The following COL10A1 variants were observed in gnomAD, a reference collection of about 807,000 sequenced individuals.
COL10A1 encodes the protein collagen type X alpha 1 chain, also known as collagen alpha-1(X) chain.
In COL10A1, 10 loss-of-function variants were observed where a neutral mutation model predicts 18.2. The observed-to-expected ratio is 0.55, with a 90% CI of 0.34 to 0.93. COL10A1 has a LOEUF of 0.93. COL10A1 is among the 40% of genes least tolerant of loss of function. The pLI, the probability that COL10A1 is intolerant of heterozygous loss-of-function variation, is 0.02. For synonymous variants in COL10A1, 330 were observed against 316.6 expected, an observed-to-expected ratio of 1.04 and a Z score of -0.45; for missense variants, 897 against 853.5, an observed-to-expected ratio of 1.05 and a Z score of -0.64.
chr6:116,190,720 A>C, the COL10A1 span, among the ~76,000 whole-genome samples: 1 of 152,066 alleles, frequency 6.6e-6, no homozygotes, highest in Admixed American at 6.6e-5. Flanking sequence ...TGGTCTCTGG[A>C]TTCTTGACAA....
rs1779028024 is a variant in COL10A1, at chr6:116,119,057, A to G, written c.*1016T>C. ...GATGTTATTTTATTGCGTCGTAAATAAGGAGTAGGTAAAACATTTTGTGCT... is the reference window on the plus strand; with the variant it reads ...GATGTTATTTTATTGCGTCGTAAATGAGGAGTAGGTAAAACATTTTGTGCT... On this transcript the variant is annotated 3_prime_UTR_variant, in exon 3 of 3. Transcript: ENST00000651968. The G allele has an allele frequency of 6.5e-6, 1 of 152,690 alleles. No homozygotes were observed. The highest frequency in any genetic ancestry group is 1.5e-5 in the Non-Finnish European group (1 of 68,054). The allele number at this position is 152,690 out of a possible 1,614,324, so 9.5% of individuals were successfully genotyped here.
At chr6:116,156,980 T>C (rs1321765031) in intron 1 of COL10A1, among the ~76,000 whole-genome samples, 2 of 152,134 alleles carry the variant, frequency 1.3e-5, no homozygotes, top group Non-Finnish European at 2.9e-5. Flanking sequence ...ATTTTCCTCA[T>C]CATAGCTTGT....
the COL10A1 span, among the ~76,000 whole-genome samples, chr6:116,183,827 A>G: frequency 6.6e-6 from 1 of 151,966 alleles, no homozygotes; most frequent in East Asian, 1.9e-4. Context: ...TTCTAGGTAT[A>G]TGATCATGTC....
At chr6:116,174,188 A>G in the COL10A1 span, among the ~76,000 whole-genome samples, 1 of 152,164 alleles carries the variant, frequency 6.6e-6, no homozygotes. Flanking sequence ...AGCATTTGCC[A>G]TGTTTCTCTA....
intron 1 of COL10A1, among the ~76,000 whole-genome samples, chr6:116,132,578 C>T (rs960253636): frequency 6.6e-6 from 1 of 152,012 alleles, no homozygotes; most frequent in Non-Finnish European, 1.5e-5. Context: ...AGTTCATCCA[C>T]ATCAATCATT....
the COL10A1 span, among the ~76,000 whole-genome samples, chr6:116,216,166 C>A: frequency 6.6e-6 from 1 of 151,932 alleles, no homozygotes. Context: ...TAATTGGCAA[C>A]AGTTATTATT....
chr6:116,177,472 T>C, the COL10A1 span, among the ~76,000 whole-genome samples: 4 of 152,166 alleles, frequency 2.6e-5, no homozygotes, highest in Non-Finnish European at 4.4e-5. Flanking sequence ...TTCATGAGCT[T>C]TCTTCTCTTT....
chr6:116,135,998 G>A (rs1562132839), intron 1 of COL10A1, among the ~76,000 whole-genome samples: 1 of 151,440 alleles, frequency 6.6e-6, no homozygotes, highest in Non-Finnish European at 1.5e-5. Flanking sequence ...ACAGTATCTC[G>A]AACTATAGTC....
chr6:116,168,699 G>GT, the COL10A1 span, among the ~76,000 whole-genome samples: 11 of 151,266 alleles, frequency 7.3e-5, no homozygotes, highest in East Asian at 5.8e-4. Flanking sequence ...ACTAGCTATT[G>GT]TTTTTTTTAA....
At chr6:116,132,416 G>A (rs1779492569) in intron 1 of COL10A1, among the ~76,000 whole-genome samples, 1 of 151,144 alleles carries the variant, frequency 6.6e-6, no homozygotes, top group South Asian at 2.1e-4. Context: ...CCTCTGTTCT[G>A]TGATATAGTT....
At position 116,125,366 on chromosome 6, in the gene COL10A1, A is replaced by G. The variant is rs752123744; in HGVS notation, c.127T>C (p.Phe43Leu). 6.2e-7 allele frequency: 1 copy of G among 1,613,672 alleles called. No homozygotes were observed. Among genetic ancestry groups the G allele is most frequent in the South Asian group, 1.1e-5 (1 of 91,050 alleles). The change falls in exon 2 of 3, where the codon TTC becomes CTC. Residue 43 changes from phenylalanine (F) to leucine (L), a missense_variant. By Grantham distance (22) the Phe-to-Leu change is conservative. Transcript: ENST00000651968. ...GPLPNTKTQF[F>L]IPYTIKSKGI... ...TTACTCTTTATGGTGTAGGGAATGA[A>G]GAACTGTGTCTTGGTGTTGGGTAGT...
chr6:116,199,819 C>G, the COL10A1 span, among the ~76,000 whole-genome samples: 15 of 152,074 alleles, frequency 9.9e-5, no homozygotes, highest in African/African-American at 3.1e-4. Flanking sequence ...ATCAATGAGT[C>G]TGGTATAAAT....
chr6:116,120,301 C>G lies in COL10A1; in HGVS notation c.1815G>C (p.Val605=). The G allele has an allele frequency of 6.2e-7, 1 of 1,614,206 alleles. No individual in the cohort carries two copies. The highest frequency in any genetic ancestry group is 8.5e-7 in the Non-Finnish European group (1 of 1,180,038). ...GIYYFSYHVH[V]KGTHVWVGLY... is the part of the protein sequence containing the mutation. ...GGCCTACCCAAACATGAGTCCCTTT[C>G]ACATGCACGTGGTATGAAAAATAGT... Residue 605 remains valine, a synonymous_variant, in exon 3 of 3, where the codon GTG becomes GTC. Coordinates refer to ENST00000651968, the MANE Select transcript of COL10A1 (RefSeq NM_000493.4).
chr6:116,209,938 G>A, the COL10A1 span, among the ~76,000 whole-genome samples: 1 of 151,928 alleles, frequency 6.6e-6, no homozygotes, highest in Admixed American at 6.6e-5. Context: ...CAAACATATA[G>A]ATTTAGACAC....
chr6:116,160,812 TA>T (rs1022051946), upstream of COL10A1, among the ~76,000 whole-genome samples: 97 of 152,222 alleles, frequency 6.4e-4, no homozygotes, highest in African/African-American at 2.1e-3. Context: ...TGGTAAGAAA[TA>T]GGGGTCCACC....
chr6:116,194,969 G>C, the COL10A1 span, among the ~76,000 whole-genome samples: 1 of 152,066 alleles, frequency 6.6e-6, no homozygotes, highest in Non-Finnish European at 1.5e-5. Context: ...AAATCTGGAA[G>C]ATATACAGTG....
chr6:116,169,772 G>T, the COL10A1 span, among the ~76,000 whole-genome samples: 2 of 152,146 alleles, frequency 1.3e-5, no homozygotes, highest in African/African-American at 4.8e-5. Flanking sequence ...ACAGACATTT[G>T]GAGTTCAGAG....
At chr6:116,215,642 T>C in the COL10A1 span, among the ~76,000 whole-genome samples, 1 of 152,164 alleles carries the variant, frequency 6.6e-6, no homozygotes, top group South Asian at 2.1e-4. Context: ...CACATTTACG[T>C]TGTCTGTCCA....
chr6:116,122,722 G>A (rs773272213), intron 2 of COL10A1, among the ~76,000 whole-genome samples: 9 of 152,174 alleles, frequency 5.9e-5, no homozygotes, highest in Admixed American at 1.3e-4. Flanking sequence ...GGGTACAGAT[G>A]TTTCTGAGAT....
Sources: allele counts gnomAD v4.1 joint callset (sites outside exome capture counted in the v4.1 genomes callset), GRCh38; gene constraint gnomAD v4.1.1; transcripts MANE v1.5; gene names NCBI Gene and HGNC (gene_info 2026-07-23, HGNC 2026-07-21).